Variants in ZNF385D observed in about 807,000 individuals in gnomAD.
ZNF385D encodes zinc finger protein 659.
ZNF385D carries 15 observed loss-of-function variants against 35.8 expected under a neutral mutation model. The ratio of observed to expected loss-of-function variants is 0.42; its 90% CI spans 0.28 to 0.64. The LOEUF is 0.64. Ranked by LOEUF, ZNF385D falls within the 30% of genes least tolerant of loss-of-function variation. ZNF385D has a pLI of 0.23. For missense variants in ZNF385D, 474 were observed against 494.6 expected (o/e 0.96, Z 0.39); for synonymous variants, 212 against 186.8 (o/e 1.13, Z -1.10).
Position 21,424,317 on chromosome 3 carries a change from A to ATTT in ZNF385D, c.853-256_853-254dup, listed in dbSNP as rs1213225859. On this transcript the variant is annotated intron_variant, in intron 6 of 7. Coordinates refer to ENST00000281523, the MANE Select transcript of ZNF385D (RefSeq NM_024697.3). ...TATATATATTTATATATATATATATATTTTTTTTTTTTTTTGAGATGGAGT... is the reference window on the plus strand; with the variant it reads ...TATATATATTTATATATATATATATATTTTTTTTTTTTTTTTTTGAGATGGAGT... 1.3e-3 allele frequency among the ~76,000 whole-genome samples: 85 copies of ATTT among 63,760 alleles called. 2 individuals are homozygous for ATTT. The highest frequency in any genetic ancestry group is 9.4e-3 in the East Asian group (15 of 1,592). The allele number at this position is 63,760 out of a possible 152,430, so 41.8% of individuals were successfully genotyped here. A position where few individuals can be genotyped will look rare whatever the true frequency, so the allele number is the denominator to read the frequency against.
chr3:22,048,200 C>A (rs1699123419), intron 3 of ZNF385D, among the ~76,000 whole-genome samples: 1 of 151,850 alleles, frequency 6.6e-6, no homozygotes, highest in African/African-American at 2.4e-5. Context: ...TGTCTCTTTA[C>A]TCTATTTGTT....
chr3:21,914,103 G>A (rs190354272), intron 3 of ZNF385D, among the ~76,000 whole-genome samples: 1 of 152,088 alleles, frequency 6.6e-6, no homozygotes, highest in Admixed American at 6.6e-5. Context: ...GACACATGTA[G>A]CCTACAGTTT....
intron 3 of ZNF385D, among the ~76,000 whole-genome samples, chr3:22,125,847 A>G (rs1186865376): frequency 2.6e-5 from 4 of 152,148 alleles, no homozygotes; most frequent in Non-Finnish European, 5.9e-5. Context: ...ATACAAGATC[A>G]TATCATCTGC....
chr3:22,103,977 A>G (rs1484875861), intron 3 of ZNF385D, among the ~76,000 whole-genome samples: 1 of 152,186 alleles, frequency 6.6e-6, no homozygotes, highest in Non-Finnish European at 1.5e-5. Context: ...CAGCAGCATG[A>G]GAAATTTATT....
At chr3:21,642,018 A>T (rs1421512354) in intron 2 of ZNF385D, among the ~76,000 whole-genome samples, 1 of 152,090 alleles carries the variant, frequency 6.6e-6, no homozygotes, top group Non-Finnish European at 1.5e-5. Flanking sequence ...CGTGTACAGT[A>T]AAGAAACAGG....
intron 3 of ZNF385D, among the ~76,000 whole-genome samples, chr3:21,857,836 A>C (rs941480905): frequency 6.6e-6 from 1 of 151,860 alleles, no homozygotes; most frequent in South Asian, 2.1e-4. Context: ...GAGGAGGATG[A>C]AACGATCTGA....
At chr3:21,485,231 G>A (rs1284446438) in intron 4 of ZNF385D, among the ~76,000 whole-genome samples, 1 of 152,166 alleles carries the variant, frequency 6.6e-6, no homozygotes, top group African/African-American at 2.4e-5. Context: ...AGTGTTACAT[G>A]ATCAGCTGGC....
chr3:22,080,845 C>T (rs982631245), intron 3 of ZNF385D, among the ~76,000 whole-genome samples: 4 of 151,954 alleles, frequency 2.6e-5, no homozygotes, highest in East Asian at 1.9e-4. Context: ...CCTTGCTCCA[C>T]GTGAGGACAC....
Position 22,330,770 on chromosome 3 carries a change from A to G in ZNF385D, c.106+41680T>C, listed in dbSNP as rs1047950539. 4.6e-5 allele frequency among the ~76,000 whole-genome samples: 7 copies of G among 152,330 alleles called. No individual in the cohort carries two copies. The South Asian group carries it at 8.3e-4, about 18-fold the overall frequency. ...TGAATATTTGTTGAATGAATTATTG[A>G]ATAAATGGAGAACTCTATCAAAGGC... On this transcript the variant is annotated intron_variant, in intron 2 of 5. Coordinates refer to the ZNF385D transcript ENST00000494108.
chr3:21,858,465 G>T (rs553400189), intron 3 of ZNF385D, among the ~76,000 whole-genome samples: 1 of 150,562 alleles, frequency 6.6e-6, no homozygotes, highest in Admixed American at 6.6e-5. Flanking sequence ...GGCCTTCAAA[G>T]GTTAATTAGC....
intron 3 of ZNF385D, among the ~76,000 whole-genome samples, chr3:21,845,969 C>T (rs948702903): frequency 2.0e-5 from 3 of 151,920 alleles, no homozygotes; most frequent in Non-Finnish European, 2.9e-5. Context: ...ATGTAAAGTA[C>T]TTAAAGCATG....
chr3:21,767,321 C>G (rs2070872555), intron 3 of ZNF385D, among the ~76,000 whole-genome samples: 1 of 151,838 alleles, frequency 6.6e-6, no homozygotes, highest in Admixed American at 6.6e-5. Flanking sequence ...ACAAATTTTA[C>G]TCATTCTTTC....
At chr3:21,874,209 A>C (rs971790292) in intron 3 of ZNF385D, among the ~76,000 whole-genome samples, 3 of 151,966 alleles carry the variant, frequency 2.0e-5, no homozygotes, top group African/African-American at 7.2e-5. Context: ...AGTGTAAACA[A>C]TATTTCATTG....
At chr3:21,827,751 T>C (rs1694735095) in intron 3 of ZNF385D, among the ~76,000 whole-genome samples, 1 of 152,206 alleles carries the variant, frequency 6.6e-6, no homozygotes, top group Admixed American at 6.5e-5. Context: ...GAATTACAGC[T>C]CTAGAAAAGA....
chr3:21,928,305 G>A (rs146321927), intron 3 of ZNF385D, among the ~76,000 whole-genome samples: 2 of 136,816 alleles, frequency 1.5e-5, no homozygotes, highest in African/African-American at 2.6e-5. Flanking sequence ...AGGGAGGAAG[G>A]AAGGTAGGAG....
intron 3 of ZNF385D, among the ~76,000 whole-genome samples, chr3:21,542,034 T>C (rs2062189476): frequency 6.6e-6 from 1 of 152,196 alleles, no homozygotes; most frequent in Non-Finnish European, 1.5e-5. Context: ...AGCTAAAATT[T>C]GGGGATGTTT....
At chr3:22,226,780 TC>T (rs1698582835) in intron 2 of ZNF385D, among the ~76,000 whole-genome samples, 1 of 152,212 alleles carries the variant, frequency 6.6e-6, no homozygotes, top group African/African-American at 2.4e-5. Flanking sequence ...GTCTTGCTTT[TC>T]TCTGTACCCC....
At chr3:21,537,761 G>A (rs1298934427) in intron 3 of ZNF385D, among the ~76,000 whole-genome samples, 1 of 152,058 alleles carries the variant, frequency 6.6e-6, no homozygotes, top group Non-Finnish European at 1.5e-5. Flanking sequence ...CAGAGGCCAT[G>A]TTTCATAGAG....
chr3:22,019,734 C>G (rs971520754), intron 3 of ZNF385D, among the ~76,000 whole-genome samples: 2 of 151,806 alleles, frequency 1.3e-5, no homozygotes, highest in African/African-American at 2.4e-5. Flanking sequence ...GATGTATGCC[C>G]TCTATGCAGG....
Sources: allele counts gnomAD v4.1 joint callset (sites outside exome capture counted in the v4.1 genomes callset), GRCh38; gene constraint gnomAD v4.1.1; transcripts MANE v1.5; gene names NCBI Gene and HGNC (gene_info 2026-07-23, HGNC 2026-07-21).